DYNC2H1: variants seen among roughly 807,000 people sequenced by gnomAD.
The protein encoded by DYNC2H1 is dynein cytoplasmic 2 heavy chain 1.
A neutral mutation model predicts 570.0 loss-of-function variants in DYNC2H1; 410 were observed. The ratio of observed to expected loss-of-function variants is 0.72; its 90% CI spans 0.66 to 0.78. DYNC2H1 has a LOEUF of 0.78. DYNC2H1 is among the 30% of genes least tolerant of loss of function. DYNC2H1 has a pLI of 0.00. For synonymous variants in DYNC2H1, 1,688 were observed against 1,677.6 expected, an observed-to-expected ratio of 1.01 and a Z score of -0.15; for missense variants, 4,865 against 5,046.4, an observed-to-expected ratio of 0.96 and a Z score of 1.09.
Position 103,255,435 on chromosome 11 carries a change from G to A in DYNC2H1, c.10227G>A (p.Gln3409=), listed in dbSNP as rs909974664. The change falls in exon 67 of 89, where the codon CAG becomes CAA. Residue 3409 remains glutamine (Q), a synonymous_variant. Transcript: ENST00000375735. ...CCAAGCTTTTAGCTTTAACCATTCA[G>A]CATGAGAAACCTGATTTAGAAGAAC... ...LRGQLLALTI[Q]HEKPDLEEQK... 6.4e-6 allele frequency: 10 copies of A among 1,564,506 alleles called. No homozygotes were observed. Among genetic ancestry groups the A allele is most frequent in the Non-Finnish European group, 8.7e-6 (10 of 1,153,674 alleles).
intron 75 of DYNC2H1, among the ~76,000 whole-genome samples, chr11:103,290,453 G>A (rs568277325): frequency 1.3e-5 from 2 of 152,114 alleles, no homozygotes; most frequent in Non-Finnish European, 2.9e-5. Flanking sequence ...CTCATGTTTG[G>A]CAGAGTAATT....
intron 84 of DYNC2H1, among the ~76,000 whole-genome samples, chr11:103,423,408 T>TAAAAAAAAAA (rs60223334): frequency 8.3e-6 from 1 of 120,430 alleles, no homozygotes; most frequent in Non-Finnish European, 1.9e-5. Flanking sequence ...GCCAAAAAAG[T>TAAAAAAAAAA]AAAAAAAAAA....
At chr11:103,379,889 A>C (rs1941566629) in intron 83 of DYNC2H1, among the ~76,000 whole-genome samples, 1 of 152,238 alleles carries the variant, frequency 6.6e-6, no homozygotes, top group African/African-American at 2.4e-5. Flanking sequence ...TACTTAAATA[A>C]TAATTTCCAT....
intron 58 of DYNC2H1, 142 bp downstream of exon 58, chr11:103,222,295 G>T: frequency 5.4e-6 from 3 of 558,490 alleles, no homozygotes; most frequent in East Asian, 3.4e-5. Context: ...ATTACACTTG[G>T]GAAGCATTAA....
At position 103,199,699 on chromosome 11, in the gene DYNC2H1, C is replaced by T. The variant is rs554951258; in HGVS notation, c.8088+223C>T. Among the ~76,000 whole-genome samples, 2 of 152,008 alleles carry T rather than the reference C, an allele frequency of 1.3e-5. No individual in the cohort carries two copies. Among genetic ancestry groups the T allele is most frequent in the East Asian group, 1.9e-4 (1 of 5,178 alleles). On this transcript the variant is annotated intron_variant, in intron 49 of 88. Transcript: ENST00000375735. The surrounding 1 kb of genome is among the most constrained non-coding windows in gnomAD (Gnocchi z 4.6). ...TTATCTATAGACAGGAAAGAGAATACTATTAGAATTTCTAGGAAGCAGATA... is the reference window on the plus strand; with the variant it reads ...TTATCTATAGACAGGAAAGAGAATATTATTAGAATTTCTAGGAAGCAGATA...
chr11:103,301,876 T>C (rs989052330), intron 75 of DYNC2H1, among the ~76,000 whole-genome samples: 7 of 151,972 alleles, frequency 4.6e-5, no homozygotes, highest in Non-Finnish European at 8.8e-5. Context: ...ACTTCTATTT[T>C]TGAGAATATA....
At position 103,287,406 on chromosome 11, in the gene DYNC2H1, T is replaced by C. The variant is rs192185108; in HGVS notation, c.11023-127T>C. 8.1e-6 allele frequency: 6 copies of C among 739,698 alleles called. No individual in the cohort carries two copies. In the African/African-American group the frequency reaches 8.8e-5, roughly 11 times the overall value. 45.8% of individuals were successfully genotyped at this position (739,698 alleles called of 1,614,324 possible). On this transcript the variant is annotated intron_variant, in intron 74 of 88. Coordinates refer to ENST00000375735, the MANE Select transcript of DYNC2H1 (RefSeq NM_001377.3). ...TGACAGTTTAAAGCACAGTAAATAA[T>C]ATGGAACAATGATAAGTGTTCCCAT...
chr11:103,155,065 C>T (rs1860751794), intron 24 of DYNC2H1, among the ~76,000 whole-genome samples: 1 of 151,776 alleles, frequency 6.6e-6, no homozygotes, highest in Non-Finnish European at 1.5e-5. Flanking sequence ...GGGTCCTATC[C>T]TATAATAATA....
chr11:103,428,418 C>A (rs1283233015), intron 84 of DYNC2H1, among the ~76,000 whole-genome samples: 2 of 152,024 alleles, frequency 1.3e-5, no homozygotes, highest in Non-Finnish European at 2.9e-5. Flanking sequence ...TGATGGCTAG[C>A]AAAACTTCAC....
At position 103,328,837 on chromosome 11, in the gene DYNC2H1, A is replaced by G. The variant is rs566015219; in HGVS notation, c.12039+4847A>G. On this transcript the variant is annotated intron_variant, in intron 82 of 88. Coordinates refer to ENST00000375735, the MANE Select transcript of DYNC2H1 (RefSeq NM_001377.3). ...TCTTTTCCTCAACTTTTCCACTGTT[A>G]TAATTACCGTAGGGATGTTACATTA... Among the ~76,000 whole-genome samples, 3 of 152,332 alleles carry G rather than the reference A, an allele frequency of 2.0e-5. No homozygotes were observed. In the South Asian group the frequency reaches 6.2e-4, roughly 32 times the overall value.
chr11:103,297,669 GTA>G (rs1239807158), intron 75 of DYNC2H1, among the ~76,000 whole-genome samples: 4 of 152,052 alleles, frequency 2.6e-5, no homozygotes, highest in African/African-American at 9.7e-5. Flanking sequence ...AACAACCATG[GTA>G]TACATGGTCC....
chr11:103,179,003 C>G (rs549487545), intron 38 of DYNC2H1, 23 bp from the exon 39 acceptor site: 2 of 1,588,014 alleles, frequency 1.3e-6, no homozygotes, highest in East Asian at 2.3e-5. Context: ...TATTTTGTCT[C>G]CACTGTTTTG....
chr11:103,397,187 G>A (rs1239003490), intron 83 of DYNC2H1, among the ~76,000 whole-genome samples: 1 of 152,162 alleles, frequency 6.6e-6, no homozygotes, highest in African/African-American at 2.4e-5. Context: ...TTCCCTCCTA[G>A]CAGCTCCATG....
At chr11:103,327,782 G>A (rs2135453222) in intron 82 of DYNC2H1, among the ~76,000 whole-genome samples, 1 of 152,242 alleles carries the variant, frequency 6.6e-6, no homozygotes, top group East Asian at 1.9e-4. Flanking sequence ...CCAAGGATGT[G>A]GGGGTCATCT....
intron 83 of DYNC2H1, among the ~76,000 whole-genome samples, chr11:103,374,898 G>A (rs989466328): frequency 2.6e-5 from 4 of 152,190 alleles, no homozygotes; most frequent in South Asian, 2.1e-4. Context: ...ATAGAAATTT[G>A]TATAATGAAG....
At chr11:103,122,782 TG>T in intron 10 of DYNC2H1, 42 bp from the exon 11 acceptor site, 1 of 1,554,996 alleles carries the variant, frequency 6.4e-7, no homozygotes, top group African/African-American at 1.4e-5. Flanking sequence ...CTAATTTTTT[TG>T]GAATTTAAAT....
chr11:103,282,901 G>A (rs1866197200), intron 72 of DYNC2H1, 107 bp from the exon 73 acceptor site: 1 of 759,694 alleles, frequency 1.3e-6, no homozygotes. Flanking sequence ...AAGAAATAAT[G>A]CATAGAATGA....
chr11:103,129,198 T>C lies in DYNC2H1; in HGVS notation c.1953+193T>C, dbSNP rs535495876. Among the ~76,000 whole-genome samples, 3 of 152,238 alleles carry C rather than the reference T, an allele frequency of 2.0e-5. No homozygotes were observed. The highest frequency in any genetic ancestry group is 6.5e-5 in the Admixed American group (1 of 15,288). On this transcript the variant is annotated intron_variant, in intron 13 of 88. Coordinates refer to ENST00000375735, the MANE Select transcript of DYNC2H1 (RefSeq NM_001377.3). The surrounding 1 kb of genome is among the most constrained non-coding windows in gnomAD (Gnocchi z 4.1). ...GTTTAAGTGGTTAGAATATTTCATATATTTTGGTACTGATTTCGATCAATT... is the reference window on the plus strand; with the variant it reads ...GTTTAAGTGGTTAGAATATTTCATACATTTTGGTACTGATTTCGATCAATT...
At chr11:103,442,843 G>A (rs146444362) in intron 85 of DYNC2H1, among the ~76,000 whole-genome samples, 1 of 152,122 alleles carries the variant, frequency 6.6e-6, no homozygotes, top group African/African-American at 2.4e-5. Context: ...TTGGTTTCTT[G>A]AAGAATCAGC....
Sources: allele counts gnomAD v4.1 joint callset (sites outside exome capture counted in the v4.1 genomes callset), GRCh38; gene constraint gnomAD v4.1.1; non-coding constraint Gnocchi (gnomAD v3.1); transcripts MANE v1.5; gene names NCBI Gene and HGNC (gene_info 2026-07-23, HGNC 2026-07-21).